The following NCKAP5 variants were observed in gnomAD, a reference collection of about 807,000 sequenced individuals.
The protein encoded by NCKAP5 is nck-associated protein 5.
A neutral mutation model predicts 167.0 loss-of-function variants in NCKAP5; 92 were observed. The observed-to-expected ratio is 0.55, with a 90% confidence interval of 0.47 to 0.66. The LOEUF is 0.66. Among genes scored for constraint, NCKAP5 ranks in the 30% least tolerant of loss-of-function variants. The pLI is 0.00. For missense variants in NCKAP5, 2,378 were observed against 2,315.0 expected (o/e 1.03, Z -0.56); for synonymous variants, 891 against 877.4 (o/e 1.02, Z -0.27).
At chr2:132,685,087 T>G (rs923367718) in intron 19 of NCKAP5, among the ~76,000 whole-genome samples, 2 of 152,210 alleles carry the variant, frequency 1.3e-5, no homozygotes, top group Non-Finnish European at 2.9e-5. Context: ...CTCTCTTACA[T>G]ATTGTTAGAA....
At chr2:133,240,749 C>T (rs540581310) in intron 4 of NCKAP5, among the ~76,000 whole-genome samples, 1 of 152,288 alleles carries the variant, frequency 6.6e-6, no homozygotes, top group South Asian at 2.1e-4. Context: ...TATGGCAGTT[C>T]CACCAACCAC....
intron 3 of NCKAP5, among the ~76,000 whole-genome samples, chr2:133,472,713 C>A (rs532014737): frequency 8.5e-5 from 13 of 152,268 alleles, no homozygotes; most frequent in African/African-American, 2.9e-4. Context: ...AAACACTAAA[C>A]AATAACTTCT....
At chr2:133,096,537 T>G (rs2081349635) in intron 6 of NCKAP5, among the ~76,000 whole-genome samples, 1 of 151,030 alleles carries the variant, frequency 6.6e-6, no homozygotes, top group Admixed American at 6.6e-5. Context: ...AATAAGCAAA[T>G]AAAATAAAAT....
At chr2:133,413,386 A>C (rs1372702104) in intron 3 of NCKAP5, among the ~76,000 whole-genome samples, 1 of 152,210 alleles carries the variant, frequency 6.6e-6, no homozygotes, top group Non-Finnish European at 1.5e-5. Flanking sequence ...AGCTAGGCTA[A>C]TGCTAGCCCT....
rs541592936 is a variant in NCKAP5, at chr2:133,545,230, T to A, written c.-62+13820A>T. On this transcript the variant is annotated intron_variant, in intron 2 of 19. Coordinates refer to ENST00000409261, the MANE Select transcript of NCKAP5 (RefSeq NM_207363.3). ...CATTATCTCTTTTAGAATATTAAAC[T>A]TTTTGCTCATGCTATTCTTGGCAAG... Among the ~76,000 whole-genome samples the A allele has an allele frequency of 1.8e-4, 28 of 152,294 alleles. No homozygotes were observed. In the East Asian group the frequency reaches 5.2e-3, roughly 28 times the overall value.
intron 5 of NCKAP5, among the ~76,000 whole-genome samples, chr2:133,139,831 T>A (rs143392323): frequency 6.6e-5 from 10 of 152,148 alleles, no homozygotes; most frequent in Admixed American, 6.5e-4. Flanking sequence ...CTAATTCTTC[T>A]CAAGTCTTTG....
chr2:133,225,805 T>C (rs976408858), intron 4 of NCKAP5, among the ~76,000 whole-genome samples: 25 of 142,180 alleles, frequency 1.8e-4, no homozygotes, highest in Admixed American at 2.8e-4. Context: ...TTTTTTTTTT[T>C]CGGAGTCTCC....
chr2:132,747,616 C>T (rs1489230822), intron 16 of NCKAP5, among the ~76,000 whole-genome samples: 1 of 112,846 alleles, frequency 8.9e-6, no homozygotes, highest in Non-Finnish European at 1.9e-5. Context: ...GCAGAGAGGG[C>T]ATCTAAGGAG....
chr2:133,072,586 T>G (rs1004195982), intron 6 of NCKAP5, among the ~76,000 whole-genome samples: 1 of 152,176 alleles, frequency 6.6e-6, no homozygotes, highest in Non-Finnish European at 1.5e-5. Flanking sequence ...GAGTCCCAAC[T>G]GTTATTTTCT....
the NCKAP5 span, among the ~76,000 whole-genome samples, chr2:133,667,320 G>A: frequency 7.2e-5 from 11 of 152,036 alleles, no homozygotes; most frequent in East Asian, 2.1e-3. Flanking sequence ...ACATCAACCA[G>A]CCTCTCTCTT....
intron 4 of NCKAP5, among the ~76,000 whole-genome samples, chr2:133,274,014 T>C (rs560248435): frequency 6.6e-6 from 1 of 150,538 alleles, no homozygotes; most frequent in East Asian, 1.9e-4. Flanking sequence ...TTATATTAAA[T>C]AGTTAAGTTA....
Position 132,731,998 on chromosome 2 carries a change from G to A in NCKAP5, c.5182C>T (p.Pro1728Ser), listed in dbSNP as rs764815397. ...CCTGTCGAGCGATTTCCCGAGTCTG[G>A]GAGTGGAAAGGTTCCGATCCCACTG... The part of the protein sequence containing the change: ...LDSGIGTFPL[P>S]DSGNRSTGRY... Residue 1728 changes from proline to serine, a missense_variant, in exon 17 of 20, where the codon CCA becomes TCA. This residue lies in a region of NCKAP5 where 1,325 missense variants were observed against 1,274.5 expected (regional missense o/e 1.04). Transcript: ENST00000409261. 2 of 1,613,808 alleles carry A rather than the reference G, an allele frequency of 1.2e-6. No homozygotes were observed. The highest frequency in any genetic ancestry group is 1.7e-6 in the Non-Finnish European group (2 of 1,179,842).
intron 7 of NCKAP5, among the ~76,000 whole-genome samples, chr2:132,989,345 A>G (rs1420452221): frequency 6.6e-6 from 1 of 152,230 alleles, no homozygotes; most frequent in African/African-American, 2.4e-5. Context: ...ACTTAATTAA[A>G]TGAAATGGTG....
intron 3 of NCKAP5, among the ~76,000 whole-genome samples, chr2:133,375,374 A>G (rs1686073663): frequency 6.6e-6 from 1 of 152,212 alleles, no homozygotes; most frequent in Admixed American, 6.5e-5. Context: ...AACCTGGACT[A>G]TATTTAAATG....
chr2:133,564,057 C>T (rs1688372535), intron 1 of NCKAP5, among the ~76,000 whole-genome samples: 1 of 152,058 alleles, frequency 6.6e-6, no homozygotes, highest in Admixed American at 6.6e-5. Context: ...TCACTTGAAC[C>T]TGAGAGGCGG....
intron 15 of NCKAP5, 103 bp downstream of exon 15, chr2:132,780,949 T>G: frequency 8.7e-7 from 1 of 1,153,950 alleles, no homozygotes; most frequent in South Asian, 1.8e-5. Context: ...TTTCCCCCAG[T>G]TGCAATCTCT....
Position 132,731,850 on chromosome 2 carries a change from G to A in NCKAP5, c.5330C>T (p.Thr1777Ile). 6.2e-7 allele frequency: 1 copy of A among 1,613,976 alleles called. No homozygotes were observed. Among genetic ancestry groups the A allele is most frequent in the South Asian group, 1.1e-5 (1 of 91,072 alleles). Residue 1777 changes from threonine to isoleucine, a missense_variant, in exon 17 of 20, where the codon ACA (threonine) becomes ATA (isoleucine). Thr to Ile is a moderately conservative substitution (Grantham distance 89). This residue lies in a region of NCKAP5 where 1,325 missense variants were observed against 1,274.5 expected (regional missense o/e 1.04). Coordinates refer to ENST00000409261, the MANE Select transcript of NCKAP5 (RefSeq NM_207363.3). ...GCTATCTGCAGGGCGCTGGCCGTCT[G>A]TGGAGGAAGGCACTTCACGTTCAAG... ...QTLEREVPSS[T>I]DGQRPADSAI...
intron 8 of NCKAP5, among the ~76,000 whole-genome samples, chr2:132,957,991 G>A (rs2149178546): frequency 1.3e-5 from 2 of 152,250 alleles, no homozygotes; most frequent in South Asian, 4.1e-4. Context: ...TTTCTCCTGT[G>A]TCTTTGAGTC....
rs142329411 is a variant in NCKAP5, at chr2:132,784,532, C to G, written c.2279G>C (p.Ser760Thr). 163 of 1,567,676 alleles carry G rather than the reference C, an allele frequency of 1.0e-4. 2 individuals are homozygous for G. In the African/African-American group the frequency reaches 1.8e-3, roughly 17 times the overall value. The change falls in exon 14 of 20, where the codon AGC becomes ACC. Residue 760 changes from serine to threonine, a missense_variant. Physicochemically the swap from Ser to Thr is moderately conservative, Grantham distance 58 (BLOSUM62 1). Around this residue, in one of 3 missense-constraint regions of NCKAP5, gnomAD observed 1,049 missense variants for 1,023.4 expected, o/e 1.02. Transcript: ENST00000409261. The part of the protein sequence containing the change: ...NVPRVSTESF[S>T]SRTVTQNPQQ... ...AGGATTTTGTGTCACTGTCCTGGAG[C>G]TGAAAGATTCAGTGGACACCCTGGG... is the stretch of plus-strand genomic sequence containing the variant.
Sources: allele counts gnomAD v4.1 joint callset (sites outside exome capture counted in the v4.1 genomes callset), GRCh38; gene constraint gnomAD v4.1.1; regional missense constraint gnomAD v4.1.1; transcripts MANE v1.5; gene names NCBI Gene and HGNC (gene_info 2026-07-23, HGNC 2026-07-21).